The following CREB5 variants were observed in gnomAD, a reference collection of about 807,000 sequenced individuals.
CREB5 encodes cyclic AMP-responsive element-binding protein 5.
In CREB5, 19 loss-of-function variants were observed where a neutral mutation model predicts 57.1. The observed-to-expected ratio is 0.33, with a 90% CI of 0.23 to 0.49. The LOEUF (loss-of-function observed/expected upper bound fraction) is 0.49, where lower values mean the gene tolerates loss of function less well. Among genes scored for constraint, CREB5 ranks in the 20% least tolerant of loss-of-function variants. The probability of loss-of-function intolerance (pLI) is 0.99; values close to 1 mark genes in which losing one functional copy is unlikely to be tolerated. For synonymous variants in CREB5, 238 were observed against 238.3 expected (o/e 1.00, Z 0.01); for missense variants, 579 against 671.6 (o/e 0.86, Z 1.52).
At chr7:28,545,044 G>A (rs1794363389) in intron 4 of CREB5, among the ~76,000 whole-genome samples, 2 of 152,220 alleles carry the variant, frequency 1.3e-5, no homozygotes, top group East Asian at 3.9e-4. Flanking sequence ...GGAATTGGAG[G>A]GCAGTGTTTT....
At chr7:28,477,944 A>G (rs2128587697) in intron 1 of CREB5, among the ~76,000 whole-genome samples, 1 of 152,176 alleles carries the variant, frequency 6.6e-6, no homozygotes, top group East Asian at 1.9e-4. Context: ...GGGAGACCCT[A>G]TCTCTACAAA....
At chr7:28,534,340 G>T (rs1446067573) in intron 4 of CREB5, among the ~76,000 whole-genome samples, 4 of 152,172 alleles carry the variant, frequency 2.6e-5, no homozygotes, top group Non-Finnish European at 2.9e-5. Context: ...TGGCCTCTGT[G>T]TCTCAGCCCA....
intron 4 of CREB5, among the ~76,000 whole-genome samples, chr7:28,550,516 A>T (rs1158613984): frequency 6.6e-6 from 1 of 152,168 alleles, no homozygotes; most frequent in African/African-American, 2.4e-5. Flanking sequence ...ACTCTGTAAG[A>T]TGTCGGTCGA....
chr7:28,497,181 G>A (rs1226677447), intron 3 of CREB5, among the ~76,000 whole-genome samples: 1 of 152,206 alleles, frequency 6.6e-6, no homozygotes, highest in East Asian at 1.9e-4. Flanking sequence ...ACCAGACAGA[G>A]CAGCCTTTCA....
intron 5 of CREB5, among the ~76,000 whole-genome samples, chr7:28,589,121 A>G (rs970181717): frequency 6.6e-6 from 1 of 152,178 alleles, no homozygotes; most frequent in Non-Finnish European, 1.5e-5. Flanking sequence ...ACATTCTACA[A>G]TGGCTCTTTG....
intron 9 of CREB5, among the ~76,000 whole-genome samples, chr7:28,811,965 A>G (rs79423702): frequency 0.019 from 2,962 of 152,284 alleles, 46 homozygotes; most frequent in Non-Finnish European, 0.029. Flanking sequence ...TCTTGGCCCT[A>G]TTGACTTCCG....
chr7:28,725,085 A>G (rs1368611222), intron 7 of CREB5, among the ~76,000 whole-genome samples: 1 of 152,252 alleles, frequency 6.6e-6, no homozygotes, highest in Non-Finnish European at 1.5e-5. Flanking sequence ...ACAATTAATA[A>G]GGTATCACAT....
intron 4 of CREB5, among the ~76,000 whole-genome samples, chr7:28,560,855 T>TGCGTGCGCGTGCGTGC (rs1554344299): frequency 1.8e-5 from 1 of 56,388 alleles, no homozygotes; most frequent in Non-Finnish European, 3.5e-5. Flanking sequence ...CGCGTGTGTG[T>TGCGTGCGCGTGCGTGC]GTGCGTGTGC....
At chr7:28,501,494 G>C (rs928593962) in intron 3 of CREB5, among the ~76,000 whole-genome samples, 16 of 152,162 alleles carry the variant, frequency 1.1e-4, no homozygotes, top group Admixed American at 7.9e-4. Context: ...GCCTTGCTCT[G>C]CAGTATTCTT....
chr7:28,735,095 C>G (rs1016058548), intron 7 of CREB5, among the ~76,000 whole-genome samples: 2 of 151,924 alleles, frequency 1.3e-5, no homozygotes, highest in African/African-American at 4.8e-5. Flanking sequence ...TTAAAATACA[C>G]TTAATCGTTT....
At position 28,360,119 on chromosome 7, in the gene CREB5, G is replaced by A. The variant is rs574522145; in HGVS notation, c.-25+60678G>A. ...GAGAGGGAACAGTTGTGCACTGTTG[G>A]TGGGAATGGAAATGGGTACAACCAC... On this transcript the variant is annotated intron_variant, in intron 1 of 9. Transcript: ENST00000396299. Among the ~76,000 whole-genome samples, 172 of 152,318 alleles carry A rather than the reference G, an allele frequency of 1.1e-3. 1 individual carries two copies. The highest frequency in any genetic ancestry group is 2.1e-3 in the Non-Finnish European group (144 of 68,024).
chr7:28,542,010 A>G (rs1439586009), intron 4 of CREB5, among the ~76,000 whole-genome samples: 1 of 152,204 alleles, frequency 6.6e-6, no homozygotes, highest in Non-Finnish European at 1.5e-5. Flanking sequence ...GTTTTGGCTT[A>G]TGTTATCAAA....
At chr7:28,560,907 T>TGCGC (rs1554344458) in intron 4 of CREB5, among the ~76,000 whole-genome samples, 7 of 42,722 alleles carry the variant, frequency 1.6e-4, no homozygotes, top group Non-Finnish European at 2.1e-4. Flanking sequence ...CGTGCGCGCG[T>TGCGC]GCGTGTGCGT....
intron 5 of CREB5, among the ~76,000 whole-genome samples, chr7:28,698,862 G>A (rs1345583784): frequency 6.6e-6 from 1 of 152,188 alleles, no homozygotes; most frequent in Non-Finnish European, 1.5e-5. Flanking sequence ...AACATAGTAA[G>A]GATCCCGGGA....
chr7:28,630,831 TAG>T (rs1798173493), intron 5 of CREB5, among the ~76,000 whole-genome samples: 1 of 152,222 alleles, frequency 6.6e-6, no homozygotes, highest in African/African-American at 2.4e-5. Context: ...CATATGTTTA[TAG>T]AGTCTTTCAA....
intron 1 of CREB5, among the ~76,000 whole-genome samples, chr7:28,452,808 C>G (rs1220197952): frequency 6.6e-6 from 1 of 152,188 alleles, no homozygotes; most frequent in African/African-American, 2.4e-5. Flanking sequence ...GCCTGGGGGA[C>G]TCAGTCCACA....
intron 4 of CREB5, among the ~76,000 whole-genome samples, chr7:28,564,134 A>C (rs1795389932): frequency 6.6e-6 from 1 of 152,220 alleles, no homozygotes; most frequent in Admixed American, 6.5e-5. Flanking sequence ...AGGGATGTTT[A>C]CATCTGGGAA....
intron 4 of CREB5, among the ~76,000 whole-genome samples, chr7:28,568,375 A>T (rs1010372443): frequency 2.0e-5 from 3 of 152,222 alleles, no homozygotes; most frequent in Non-Finnish European, 2.9e-5. Flanking sequence ...AAAAATGTTA[A>T]GTGTCTTTGA....
At chr7:28,620,845 GAC>G (rs1034513477) in intron 5 of CREB5, among the ~76,000 whole-genome samples, 9 of 152,180 alleles carry the variant, frequency 5.9e-5, no homozygotes, top group Admixed American at 2.0e-4. Flanking sequence ...ATGGAAAAAA[GAC>G]ACAGTCTGTG....
Sources: allele counts gnomAD v4.1 joint callset (sites outside exome capture counted in the v4.1 genomes callset), GRCh38; gene constraint gnomAD v4.1.1; transcripts MANE v1.5; gene names NCBI Gene and HGNC (gene_info 2026-07-23, HGNC 2026-07-21).